Variants in ZNF233 observed in about 807,000 individuals in gnomAD.
ZNF233 encodes zinc finger protein 233.
In ZNF233, 7 loss-of-function variants were observed where a neutral mutation model predicts 11.6. The ratio of observed to expected loss-of-function variants is 0.60; its 90% confidence interval spans 0.34 to 1.13. The LOEUF (loss-of-function observed/expected upper bound fraction) is 1.13. ZNF233 is among the 50% of genes most tolerant of loss of function. The pLI is 0.03. For synonymous variants in ZNF233, 226 were observed against 268.5 expected, an observed-to-expected ratio of 0.84 and a Z score of 1.55; for missense variants, 711 against 785.5, an observed-to-expected ratio of 0.91 and a Z score of 1.13.
chr19:44,267,161 C>T (rs1453178213), intron 4 of ZNF233, 200 bp downstream of exon 4: 4 of 442,102 alleles, frequency 9.0e-6, no homozygotes, highest in Non-Finnish European at 8.1e-6. Flanking sequence ...CAGATCATGT[C>T]GCTCCTTGGC....
intron 4 of ZNF233, among the ~76,000 whole-genome samples, chr19:44,272,367 G>A (rs1295412411): frequency 1.3e-5 from 2 of 148,334 alleles, no homozygotes; most frequent in Admixed American, 6.7e-5. Flanking sequence ...AAAAGTCTTG[G>A]TATAGCTCTA....
At chr19:44,260,917 G>C (rs780078271) in intron 1 of ZNF233, among the ~76,000 whole-genome samples, 7 of 152,186 alleles carry the variant, frequency 4.6e-5, no homozygotes, top group Admixed American at 3.3e-4. Flanking sequence ...TTGTTAATAC[G>C]TTGAGTGCCA....
intron 2 of ZNF233, among the ~76,000 whole-genome samples, chr19:44,265,571 C>A (rs2123046472): frequency 6.6e-6 from 1 of 152,230 alleles, no homozygotes; most frequent in Non-Finnish European, 1.5e-5. Flanking sequence ...TAGGCACCTG[C>A]CAACATACCC....
At chr19:44,269,530 G>C (rs1197752861) in intron 4 of ZNF233, among the ~76,000 whole-genome samples, 2 of 152,082 alleles carry the variant, frequency 1.3e-5, no homozygotes, top group African/African-American at 4.8e-5. Context: ...TCTTGACCTT[G>C]TGATCTGCCC....
chr19:44,274,007 G>T lies in ZNF233; in HGVS notation c.1347G>T (p.Glu449Asp), dbSNP rs917033085. The T allele has an allele frequency of 1.3e-6, 2 of 1,597,686 alleles. No homozygotes were observed. The highest frequency in any genetic ancestry group is 1.7e-5 in the Admixed American group (1 of 59,284). The change falls in exon 5 of 5, where the codon GAG (glutamate) becomes GAT (aspartate). Residue 449 changes from glutamate to aspartate, a missense_variant. Transcript: ENST00000683810. ...TTCACCAGAGAGTTCACACTGGAGA[G>T]AAACCATATAAATGTGAGGTATGTG... is the stretch of plus-strand genomic sequence containing the variant. ...SGLHQRVHTG[E>D]KPYKCEVCDK...
intron 4 of ZNF233, among the ~76,000 whole-genome samples, chr19:44,272,451 T>C (rs1253098132): frequency 2.0e-5 from 3 of 151,066 alleles, no homozygotes; most frequent in African/African-American, 4.9e-5. Flanking sequence ...AAACCAATGA[T>C]AGTCTGGGTG....
Position 44,274,955 on chromosome 19 carries a change from A to AC in ZNF233, c.*284dup, listed in dbSNP as rs1466959118. 2.3e-6 allele frequency: 1 copy of AC among 428,266 alleles called. No homozygotes were observed. Among genetic ancestry groups the AC allele is most frequent in the African/African-American group, 2.0e-5 (1 of 49,346 alleles). The allele number at this position is 428,266 out of a possible 1,614,324, so 26.5% of individuals were successfully genotyped here. A position where few individuals can be genotyped will look rare whatever the true frequency, so the allele number is the denominator to read the frequency against. On this transcript the variant is annotated 3_prime_UTR_variant, in exon 5 of 5. Coordinates refer to ENST00000683810, the MANE Select transcript of ZNF233 (RefSeq NM_001207005.2). ...AATGATACAATATGTTTCAATCAGAACCTTCACATCCAATAAGCAATATGC... is the reference window on the plus strand; with the variant it reads ...AATGATACAATATGTTTCAATCAGAACCCTTCACATCCAATAAGCAATATGC...
Position 44,274,383 on chromosome 19 carries a change from T to TG in ZNF233, c.1725dup (p.Ser576GlufsTer20), listed in dbSNP as rs773068070. 1.5e-5 allele frequency: 24 copies of TG among 1,610,678 alleles called. No individual in the cohort carries two copies. The highest frequency in any genetic ancestry group is 1.8e-5 in the Non-Finnish European group (21 of 1,178,942). The stretch of plus-strand genomic sequence containing the variant: ...TGATGTGTGTGGGAAAGGCTTCAGT[T>TG]GGAGTTCACATCTTCAAGCCCATCA... On this transcript the variant is annotated frameshift_variant, in exon 5 of 5. Transcript: ENST00000683810. LOFTEE classifies it low-confidence loss of function (END_TRUNC).
intron 1 of ZNF233, among the ~76,000 whole-genome samples, chr19:44,263,221 G>T (rs766394963): frequency 4.6e-5 from 7 of 152,104 alleles, no homozygotes; most frequent in Non-Finnish European, 8.8e-5. Context: ...GTGGTATTTA[G>T]TGTATCCACA....
intron 1 of ZNF233, among the ~76,000 whole-genome samples, chr19:44,262,071 C>T (rs1453112837): frequency 2.6e-5 from 4 of 152,166 alleles, no homozygotes; most frequent in African/African-American, 7.2e-5. Flanking sequence ...AATTTAATAG[C>T]CTGAGAATTT....
chr19:44,274,783 A>C lies in ZNF233; in HGVS notation c.*110A>C, dbSNP rs1975349514. ...CAGCACAGAATATTTATAAAATGTCATGTTTTAAGAATTCATGAGCTGAGT... is the reference window on the plus strand; with the variant it reads ...CAGCACAGAATATTTATAAAATGTCCTGTTTTAAGAATTCATGAGCTGAGT... On this transcript the variant is annotated 3_prime_UTR_variant, in exon 5 of 5. Transcript: ENST00000683810. 1.1e-6 allele frequency: 1 copy of C among 897,196 alleles called. No individual in the cohort carries two copies. The highest frequency in any genetic ancestry group is 2.7e-5 in the East Asian group (1 of 37,036). 55.6% of individuals were successfully genotyped at this position (897,196 alleles called of 1,614,324 possible).
Position 44,274,429 on chromosome 19 carries a change from A to C in ZNF233, c.1769A>C (p.Lys590Thr). ...CATCAGAGAGTCCACACAGGAGAGAAACCATACAAATGTGAAGAATGTAGG... is the reference window on the plus strand; with the variant it reads ...CATCAGAGAGTCCACACAGGAGAGACACCATACAAATGTGAAGAATGTAGG... Reference protein sequence around the residue: ...QAHQRVHTGEKPYKCEECRKG... With the variant: ...QAHQRVHTGETPYKCEECRKG... The change falls in exon 5 of 5, where the codon AAA (lysine) becomes ACA (threonine). Residue 590 changes from lysine (K) to threonine (T), a missense_variant. Physicochemically the swap from Lys to Thr is moderately conservative, Grantham distance 78. Transcript: ENST00000683810. The C allele has an allele frequency of 6.2e-7, 1 of 1,614,222 alleles. No homozygotes were observed. Among genetic ancestry groups the C allele is most frequent in the Non-Finnish European group, 8.5e-7 (1 of 1,180,026 alleles).
In ZNF233 at chr19:44,266,969, C is replaced by A; in HGVS notation, c.238+8C>A. 1 of 1,608,460 alleles carries A rather than the reference C, an allele frequency of 6.2e-7. No homozygotes were observed. The highest frequency in any genetic ancestry group is 8.5e-7 in the Non-Finnish European group (1 of 1,175,578). ...AAGGAGATGGGTGTTCAGGTGAGAACCATGGAGCTCTGAGTCTTTGCGGGG... is the reference window on the plus strand; with the variant it reads ...AAGGAGATGGGTGTTCAGGTGAGAAACATGGAGCTCTGAGTCTTTGCGGGG... On this transcript the variant is annotated splice_region_variant and intron_variant, in intron 4 of 4. Coordinates refer to ENST00000683810, the MANE Select transcript of ZNF233 (RefSeq NM_001207005.2).
At chr19:44,263,151 T>G (rs1026824503) in intron 1 of ZNF233, among the ~76,000 whole-genome samples, 8 of 152,168 alleles carry the variant, frequency 5.3e-5, no homozygotes, top group Admixed American at 1.3e-4. Flanking sequence ...TTACCCCATT[T>G]AAAAAATTGA....
rs1281621086 is a variant in ZNF233, at chr19:44,273,696, G to A, written c.1036G>A (p.Val346Ile). Reference protein sequence around the residue: ...STGENLYRCQVYARSSNQNSC... With the variant: ...STGENLYRCQIYARSSNQNSC... ...AGGAGAGAACCTCTACAGATGTCAG[G>A]TATATGCCCGGAGCTCCAACCAGAA... The change falls in exon 5 of 5, where the codon GTA becomes ATA. Residue 346 changes from valine (V) to isoleucine (I), a missense_variant. By Grantham distance (29) the Val-to-Ile change is conservative. Coordinates refer to ENST00000683810, the MANE Select transcript of ZNF233 (RefSeq NM_001207005.2). 1 of 1,614,084 alleles carries A rather than the reference G, an allele frequency of 6.2e-7. No homozygotes were observed. Among genetic ancestry groups the A allele is most frequent in the South Asian group, 1.1e-5 (1 of 91,072 alleles).
chr19:44,274,067 C>G lies in ZNF233; in HGVS notation c.1407C>G (p.Ala469=), dbSNP rs367919579. The G allele has an allele frequency of 1.8e-5, 28 of 1,597,206 alleles. No individual in the cohort carries two copies. Among genetic ancestry groups the G allele is most frequent in the Non-Finnish European group, 8.5e-6 (10 of 1,179,412 alleles). The change falls in exon 5 of 5, where the codon GCC becomes GCG. Residue 469 remains alanine, a synonymous_variant. Transcript: ENST00000683810. ...TCAGTAAGGCCTCAAATCTTCAAGC[C>G]CATCAGAGAATCCACACTGGAGAGA... The part of the protein sequence containing the change: ...KGFSKASNLQ[A]HQRIHTGEKP...
At chr19:44,264,508 T>C in intron 2 of ZNF233, 133 bp downstream of exon 2, 1 of 773,170 alleles carries the variant, frequency 1.3e-6, no homozygotes, top group Non-Finnish European at 2.0e-6. Context: ...TACTTGATTT[T>C]CGATTGGTTC....
intron 4 of ZNF233, among the ~76,000 whole-genome samples, 181 bp from the exon 5 acceptor site, chr19:44,272,718 G>A (rs888942160): frequency 6.6e-6 from 1 of 152,090 alleles, no homozygotes; most frequent in Admixed American, 6.6e-5. Flanking sequence ...CTGGGTGACA[G>A]AGCGAGACTC....
rs758663653 is a variant in ZNF233, at chr19:44,266,919, C to T, written c.196C>T (p.Leu66Phe). The change falls in exon 4 of 5, where the codon CTT (leucine) becomes TTT (phenylalanine). Residue 66 changes from leucine to phenylalanine, a missense_variant. Transcript: ENST00000683810. ...VILQLGKEDKLRMMETEIQGD... is the reference protein window; with the variant it reads ...VILQLGKEDKFRMMETEIQGD... The stretch of plus-strand genomic sequence containing the variant: ...ATTACAGTTGGGAAAAGAAGACAAG[C>T]TTCGGATGATGGAGACAGAAATCCA... 39 of 1,613,912 alleles carry T rather than the reference C, an allele frequency of 2.4e-5. 1 individual carries two copies. In the Admixed American group the frequency reaches 2.7e-4, roughly 11 times the overall value.
Sources: allele counts gnomAD v4.1 joint callset (sites outside exome capture counted in the v4.1 genomes callset), GRCh38; gene constraint gnomAD v4.1.1; transcripts MANE v1.5; gene names NCBI Gene and HGNC (gene_info 2026-07-23, HGNC 2026-07-21).